Variants in MASP1 observed in about 807,000 individuals in gnomAD.
The protein encoded by MASP1 is mannan-binding lectin serine protease 1.
In MASP1, 59 loss-of-function variants were observed where a neutral mutation model predicts 77.1. That is an observed-to-expected ratio of 0.77 (90% CI 0.62 to 0.95). MASP1 has a LOEUF of 0.95. Among genes scored for constraint, MASP1 ranks in the 40% least tolerant of loss-of-function variants. The pLI is 0.00. For synonymous variants in MASP1, 362 were observed against 354.5 expected, an observed-to-expected ratio of 1.02 and a Z score of -0.24; for missense variants, 885 against 912.9, an observed-to-expected ratio of 0.97 and a Z score of 0.39.
intron 9 of MASP1, 111 bp from the exon 10 acceptor site, chr3:187,241,666 C>A (rs1332188285): frequency 1.3e-6 from 1 of 764,072 alleles, no homozygotes; most frequent in Non-Finnish European, 2.4e-6. Context: ...ACAAAGTCCT[C>A]CAAATGGTCA....
chr3:187,222,395 C>T, intron 14 of MASP1, among the ~76,000 whole-genome samples: 1 of 152,084 alleles, frequency 6.6e-6, no homozygotes, highest in Non-Finnish European at 1.5e-5. Flanking sequence ...CAAATAGACC[C>T]CCGGGAGTTA....
chr3:187,265,408 C>A (rs1452149687), intron 2 of MASP1, among the ~76,000 whole-genome samples: 3 of 152,116 alleles, frequency 2.0e-5, no homozygotes, highest in Admixed American at 1.3e-4. Context: ...GCTGAAGGAC[C>A]TTTTCATAAT....
chr3:187,247,062 C>T (rs1432364651), intron 8 of MASP1: 1 of 1,363,892 alleles, frequency 7.3e-7, no homozygotes, highest in Non-Finnish European at 9.5e-7. Flanking sequence ...AAAGTACAGT[C>T]CACTCAGAGG....
At chr3:187,269,645 T>A (rs1216966505) in intron 2 of MASP1, among the ~76,000 whole-genome samples, 3 of 152,138 alleles carry the variant, frequency 2.0e-5, no homozygotes, top group African/African-American at 7.2e-5. Context: ...CAAGGAACAT[T>A]CTTGGTATCT....
intron 2 of MASP1, among the ~76,000 whole-genome samples, chr3:187,274,204 TA>T (rs373166870): frequency 0.012 from 1,647 of 137,860 alleles, 23 homozygotes; most frequent in African/African-American, 0.034. Context: ...CGAGACTCCA[TA>T]AAAAAAAAAA....
At chr3:187,258,620 C>A (rs969905613) in intron 4 of MASP1, among the ~76,000 whole-genome samples, 5 of 152,170 alleles carry the variant, frequency 3.3e-5, no homozygotes, top group Non-Finnish European at 7.3e-5. Flanking sequence ...GGACGGCCAC[C>A]TGCTGTAACC....
At chr3:187,264,801 T>TA (rs891230718) in intron 2 of MASP1, among the ~76,000 whole-genome samples, 8 of 152,036 alleles carry the variant, frequency 5.3e-5, no homozygotes, top group African/African-American at 7.2e-5. Flanking sequence ...TAGAACTTAA[T>TA]AAAAAAAAGC....
Position 187,285,983 on chromosome 3 carries a change from T to C in MASP1, c.79A>G (p.Met27Val). The change falls in exon 2 of 11, where the codon ATG becomes GTG. Residue 27 changes from methionine (M) to valine (V), a missense_variant. Met to Val is a conservative substitution (Grantham distance 21, BLOSUM62 1). Transcript: ENST00000296280. ...ASAHTVELNN[M>V]FGQIQSPGYP... is the part of the protein sequence containing the mutation. The stretch of plus-strand genomic sequence containing the variant: ...CCAGGCGACTGGATCTGGCCAAACA[T>C]ATTGTTTAGCTCCACGGTGTGGGCT... The C allele has an allele frequency of 6.2e-7, 1 of 1,614,150 alleles. No individual in the cohort carries two copies. The highest frequency in any genetic ancestry group is 8.5e-7 in the Non-Finnish European group (1 of 1,180,012).
chr3:187,261,746 T>C (rs1715597733), intron 3 of MASP1, among the ~76,000 whole-genome samples: 1 of 152,142 alleles, frequency 6.6e-6, no homozygotes, highest in African/African-American at 2.4e-5. Context: ...ATTGAAAACA[T>C]ATGTTTGCAA....
Position 187,235,947 on chromosome 3 carries a change from T to C in MASP1, c.1924A>G (p.Ser642Gly). ...TSYESRSGNY[S>G]VTENMFCAGY... ...GCACAGAACATGTTCTCCGTGACGC[T>C]GTAATTGCCCGAGCGGGACTCATAG... Residue 642 changes from serine to glycine, a missense_variant, in exon 11 of 11, where the codon AGC (serine) becomes GGC (glycine). Transcript: ENST00000296280. 1 of 1,614,216 alleles carries C rather than the reference T, an allele frequency of 6.2e-7. No homozygotes were observed. Among genetic ancestry groups the C allele is most frequent in the Non-Finnish European group, 8.5e-7 (1 of 1,180,042 alleles).
chr3:187,284,696 A>G (rs1394131394), intron 2 of MASP1, among the ~76,000 whole-genome samples: 2 of 152,198 alleles, frequency 1.3e-5, no homozygotes, highest in Non-Finnish European at 2.9e-5. Flanking sequence ...ATGTGATTCA[A>G]AAACACAAGG....
intron 5 of MASP1, 76 bp downstream of exon 5, chr3:187,256,588 G>C: frequency 4.3e-6 from 6 of 1,395,178 alleles, no homozygotes; most frequent in Non-Finnish European, 5.1e-6. Flanking sequence ...GAAGGTGAAG[G>C]TTCCGCAATA....
chr3:187,272,710 G>C (rs775376517), intron 2 of MASP1, among the ~76,000 whole-genome samples: 2 of 152,132 alleles, frequency 1.3e-5, no homozygotes, highest in Non-Finnish European at 2.9e-5. Flanking sequence ...AGCTAGAATA[G>C]GCAAGGAAGG....
chr3:187,236,168 T>TG lies in MASP1; in HGVS notation c.1702dup (p.His568ProfsTer11). On this transcript the variant is annotated frameshift_variant, in exon 11 of 11. Transcript: ENST00000296280. LOFTEE classifies it high-confidence loss of function. ...CCTTGGCAGGCAGACAGGCATAACG[T>TG]GGGGTCCCAGGGGCACAGGCTCCTG... 1 of 1,614,024 alleles carries TG rather than the reference T, an allele frequency of 6.2e-7. No homozygotes were observed. Among genetic ancestry groups the TG allele is most frequent in the Non-Finnish European group, 8.5e-7 (1 of 1,180,032 alleles).
intron 2 of MASP1, among the ~76,000 whole-genome samples, chr3:187,263,570 A>G (rs1271188622): frequency 6.6e-6 from 1 of 152,224 alleles, no homozygotes; most frequent in East Asian, 1.9e-4. Context: ...AGACACTGAA[A>G]ACTTTTAAGC....
downstream of MASP1, among the ~76,000 whole-genome samples, chr3:187,232,288 G>T (rs1321090943): frequency 1.3e-5 from 2 of 148,376 alleles, no homozygotes; most frequent in Admixed American, 1.4e-4. Context: ...CATGATGCTG[G>T]TGTTTCAGGC....
At chr3:187,273,004 C>T (rs1421623244) in intron 2 of MASP1, among the ~76,000 whole-genome samples, 1 of 152,028 alleles carries the variant, frequency 6.6e-6, no homozygotes, top group Non-Finnish European at 1.5e-5. Context: ...GAAAAGTGCC[C>T]GGGATACGTT....
intron 6 of MASP1, among the ~76,000 whole-genome samples, chr3:187,252,302 G>A (rs535577090): frequency 1.3e-5 from 2 of 152,266 alleles, no homozygotes; most frequent in Non-Finnish European, 2.9e-5. Context: ...TTGCGCCCCT[G>A]TAATTTTCAC....
chr3:187,256,592 C>T (rs1008823916), intron 5 of MASP1, 72 bp downstream of exon 5: 36 of 1,441,138 alleles, frequency 2.5e-5, no homozygotes, highest in Admixed American at 1.5e-4. Flanking sequence ...GTGAAGGTTC[C>T]GCAATATCAA....
Sources: allele counts gnomAD v4.1 joint callset (sites outside exome capture counted in the v4.1 genomes callset), GRCh38; gene constraint gnomAD v4.1.1; transcripts MANE v1.5; gene names NCBI Gene and HGNC (gene_info 2026-07-23, HGNC 2026-07-21).